The following AGBL1 variants were observed in gnomAD, a reference collection of about 807,000 sequenced individuals.
AGBL1 encodes cytosolic carboxypeptidase 4.
In AGBL1, 130 loss-of-function variants were observed where a neutral mutation model predicts 118.9. The observed-to-expected ratio is 1.09, with a 90% CI of 0.95 to 1.26. The LOEUF (loss-of-function observed/expected upper bound fraction) is 1.26. AGBL1 is among the 50% of genes most tolerant of loss of function. AGBL1 has a pLI of 0.00. For synonymous variants in AGBL1, 555 were observed against 478.9 expected (o/e 1.16, Z -2.08); for missense variants, 1,584 against 1,298.1 (o/e 1.22, Z -3.38).
At chr15:86,272,450 A>G (rs1162288369) in intron 15 of AGBL1, among the ~76,000 whole-genome samples, 1 of 152,184 alleles carries the variant, frequency 6.6e-6, no homozygotes, top group African/African-American at 2.4e-5. Flanking sequence ...AGTTTCTTTT[A>G]AAAACTGAGA....
intron 24 of AGBL1, among the ~76,000 whole-genome samples, chr15:86,989,469 C>T (rs2081316772): frequency 6.6e-6 from 1 of 151,608 alleles, no homozygotes; most frequent in Admixed American, 6.6e-5. Context: ...TGCTTTTTTC[C>T]CCTTCTCTTG....
chr15:86,920,703 T>C (rs10438423), downstream of AGBL1, among the ~76,000 whole-genome samples: 73,712 of 152,060 alleles, frequency 0.48, 20,171 homozygotes, highest in Non-Finnish European at 0.63. Flanking sequence ...CATCCCAGTA[T>C]TCTGATTTTA....
intron 22 of AGBL1, among the ~76,000 whole-genome samples, chr15:86,772,607 G>C (rs767461296): frequency 3.9e-5 from 6 of 151,994 alleles, no homozygotes; most frequent in Non-Finnish European, 7.4e-5. Context: ...AGGGCCTGTG[G>C]CTGGGCCTGG....
intron 9 of AGBL1, among the ~76,000 whole-genome samples, chr15:86,259,320 T>C (rs1261301603): frequency 6.6e-6 from 1 of 152,238 alleles, no homozygotes; most frequent in Non-Finnish European, 1.5e-5. Context: ...TCTCCATTTC[T>C]GTTGGTGGAC....
intron 21 of AGBL1, among the ~76,000 whole-genome samples, chr15:86,637,053 A>T (rs2085109235): frequency 6.6e-6 from 1 of 152,000 alleles, no homozygotes; most frequent in Non-Finnish European, 1.5e-5. Flanking sequence ...AAGAACTGTG[A>T]AAATTCTGAA....
At chr15:86,716,236 C>A (rs889568729) in intron 22 of AGBL1, among the ~76,000 whole-genome samples, 1 of 152,104 alleles carries the variant, frequency 6.6e-6, no homozygotes. Context: ...AGTGAAGATG[C>A]TATACACTGC....
intron 23 of AGBL1, among the ~76,000 whole-genome samples, chr15:86,946,606 G>T (rs1290735586): frequency 6.6e-6 from 1 of 152,020 alleles, no homozygotes; most frequent in East Asian, 1.9e-4. Flanking sequence ...TCAGCACTTT[G>T]GGAGGCCGAG....
At chr15:86,241,940 C>T (rs975658352) in intron 6 of AGBL1, among the ~76,000 whole-genome samples, 9 of 152,140 alleles carry the variant, frequency 5.9e-5, no homozygotes, top group Non-Finnish European at 1.2e-4. Context: ...ACAGTTCCCA[C>T]GTGTCATGGG....
intron 22 of AGBL1, among the ~76,000 whole-genome samples, chr15:86,891,124 G>T (rs1302531261): frequency 1.3e-5 from 2 of 152,002 alleles, no homozygotes; most frequent in East Asian, 3.9e-4. Flanking sequence ...GTATTCCTAG[G>T]TATTTTATTC....
chr15:86,756,830 A>G lies in AGBL1; in HGVS notation c.3158+82394A>G, dbSNP rs540793864. Among the ~76,000 whole-genome samples, 5 of 152,222 alleles carry G rather than the reference A, an allele frequency of 3.3e-5. No individual in the cohort carries two copies. In the South Asian group the frequency reaches 1.0e-3, roughly 32 times the overall value. ...ATGGTAAGTAGCTTAGAGTTTGTCA[A>G]TAGGATAATTGGAAGACACTTAAGG... On this transcript the variant is annotated intron_variant, in intron 22 of 22. Transcript: ENST00000614907.
intron 22 of AGBL1, among the ~76,000 whole-genome samples, chr15:86,770,768 A>C (rs1596466693): frequency 6.6e-6 from 1 of 152,024 alleles, no homozygotes; most frequent in African/African-American, 2.4e-5. Context: ...TGTGTTCCCC[A>C]AGGCTACTGA....
chr15:86,357,548 A>G (rs1412651623), intron 17 of AGBL1, among the ~76,000 whole-genome samples: 1 of 152,102 alleles, frequency 6.6e-6, no homozygotes, highest in Non-Finnish European at 1.5e-5. Context: ...ATGTAGGGTA[A>G]AAAAGGGCCT....
intron 21 of AGBL1, among the ~76,000 whole-genome samples, chr15:86,662,608 G>A (rs1008229401): frequency 6.6e-6 from 1 of 152,152 alleles, no homozygotes; most frequent in African/African-American, 2.4e-5. Flanking sequence ...GATAGAGGGA[G>A]CTTGTACTCA....
chr15:86,215,272 T>C (rs932907050), intron 5 of AGBL1, among the ~76,000 whole-genome samples: 2 of 151,356 alleles, frequency 1.3e-5, no homozygotes, highest in Admixed American at 6.6e-5. Flanking sequence ...TGTGATTTTA[T>C]GCATCCTGCT....
Position 86,196,868 on chromosome 15 carries a change from T to TGCGCGCGCGCGC in AGBL1, c.489-28045_489-28034dup, listed in dbSNP as rs149539990. 1.7e-4 allele frequency among the ~76,000 whole-genome samples: 16 copies of TGCGCGCGCGCGC among 95,748 alleles called. 1 individual carries two copies. The highest frequency in any genetic ancestry group is 6.7e-4 in the Admixed American group (6 of 8,960). 62.8% of individuals were successfully genotyped at this position (95,748 alleles called of 152,430 possible). On this transcript the variant is annotated intron_variant, in intron 5 of 22. Coordinates refer to ENST00000614907, the MANE Select transcript of AGBL1 (RefSeq NM_001386094.1). ...CCCTGCATATGCGAATGTGCACATG[T>TGCGCGCGCGCGC]GCGCGCGCGCGCACACACACACACA...
chr15:86,323,402 G>A (rs2080135401), intron 17 of AGBL1, among the ~76,000 whole-genome samples: 1 of 129,294 alleles, frequency 7.7e-6, no homozygotes, highest in Non-Finnish European at 1.6e-5. Flanking sequence ...ACATGTCAGG[G>A]AGAGTCATAT....
intron 1 of AGBL1, among the ~76,000 whole-genome samples, chr15:86,083,182 C>G (rs1207865118): frequency 6.6e-6 from 1 of 151,918 alleles, no homozygotes; most frequent in Non-Finnish European, 1.5e-5. Flanking sequence ...TGGGTGGACT[C>G]CAATATACTT....
At chr15:86,720,750 C>A (rs556136682) in intron 22 of AGBL1, among the ~76,000 whole-genome samples, 1 of 152,016 alleles carries the variant, frequency 6.6e-6, no homozygotes, top group Non-Finnish European at 1.5e-5. Context: ...GTGGATAGAT[C>A]GCTAGCAAGA....
At chr15:86,516,008 G>A (rs1302711968) in intron 18 of AGBL1, among the ~76,000 whole-genome samples, 1 of 152,056 alleles carries the variant, frequency 6.6e-6, no homozygotes, top group East Asian at 1.9e-4. Flanking sequence ...AGCGGGGGAG[G>A]GAGCTTCCAG....
Sources: gnomAD v4.1 joint callset for allele counts (sites outside exome capture counted in the v4.1 genomes callset) on GRCh38, gnomAD v4.1.1 for gene constraint, MANE v1.5 for transcripts, NCBI Gene and HGNC (gene_info 2026-07-23, HGNC 2026-07-21) for gene names.